NSMCE2: variants seen among roughly 807,000 people sequenced by gnomAD.
NSMCE2 encodes the protein NSE2 SUMO ligase component of SMC5/6 complex.
NSMCE2 carries 24 observed loss-of-function variants against 23.8 expected under a neutral mutation model. The observed-to-expected ratio is 1.01, with a 90% confidence interval of 0.73 to 1.42. The LOEUF is 1.42. Ranked by LOEUF, NSMCE2 falls within the 40% of genes most tolerant of loss-of-function variation. The probability of loss-of-function intolerance (pLI) is 0.00; values close to 1 mark genes in which losing one functional copy is unlikely to be tolerated. For synonymous variants in NSMCE2, 92 were observed against 94.1 expected, an observed-to-expected ratio of 0.98 and a Z score of 0.13; for missense variants, 284 against 296.5, an observed-to-expected ratio of 0.96 and a Z score of 0.31.
rs548063210 is a variant in NSMCE2, at chr8:125,248,492, A to G, written c.418+66236A>G. Among the ~76,000 whole-genome samples, 23 of 152,288 alleles carry G rather than the reference A, an allele frequency of 1.5e-4. No homozygotes were observed. The South Asian group carries it at 3.5e-3, about 23-fold the overall frequency. On this transcript the variant is annotated intron_variant, in intron 5 of 7. Transcript: ENST00000287437. ...ACATAGTAAAACCCCATCTCTACTA[A>G]AAATACAAAAATTAGCTGGGCATGG...
At chr8:125,271,496 T>C (rs79898144) in intron 5 of NSMCE2, among the ~76,000 whole-genome samples, 339 of 152,306 alleles carry the variant, frequency 2.2e-3, no homozygotes, top group African/African-American at 7.7e-3. Context: ...TAAGGGTACA[T>C]AGGACTGATG....
chr8:125,324,768 G>T (rs1265393810), intron 5 of NSMCE2, among the ~76,000 whole-genome samples: 1 of 101,090 alleles, frequency 9.9e-6, no homozygotes, highest in Non-Finnish European at 2.4e-5. Context: ...TAGAGACAGG[G>T]TTTCACCATG....
intron 5 of NSMCE2, among the ~76,000 whole-genome samples, chr8:125,193,415 C>A (rs1184125998): frequency 6.6e-6 from 1 of 152,168 alleles, no homozygotes; most frequent in Non-Finnish European, 1.5e-5. Flanking sequence ...GAACAGACTT[C>A]ACAAAAGAAG....
At position 125,295,805 on chromosome 8, in the gene NSMCE2, CT is replaced by C. The variant is rs145549835; in HGVS notation, c.419-61411del. Among the ~76,000 whole-genome samples, 193 of 152,236 alleles carry C rather than the reference CT, an allele frequency of 1.3e-3. No homozygotes were observed. In the East Asian group the frequency reaches 0.022, roughly 17 times the overall value. On this transcript the variant is annotated intron_variant, in intron 5 of 7. Coordinates refer to ENST00000287437, the MANE Select transcript of NSMCE2 (RefSeq NM_173685.4). ...TACATTTATAGAGCTGGATTTCTTT[CT>C]TTGTTTTTTAAGCTCTAATGAATTC...
intron 3 of NSMCE2, among the ~76,000 whole-genome samples, chr8:125,142,109 A>G (rs2130628340): frequency 6.6e-6 from 1 of 152,242 alleles, no homozygotes; most frequent in South Asian, 2.1e-4. Context: ...CAGTATTTAG[A>G]CTAATTACAC....
intron 7 of NSMCE2, among the ~76,000 whole-genome samples, chr8:125,359,078 A>G (rs1414287971): frequency 6.6e-6 from 1 of 151,938 alleles, no homozygotes; most frequent in East Asian, 2.0e-4. Context: ...CATCCTGGCT[A>G]ACACGGTGAA....
chr8:125,299,439 C>G (rs1828462467), intron 5 of NSMCE2, among the ~76,000 whole-genome samples: 1 of 152,128 alleles, frequency 6.6e-6, no homozygotes, highest in East Asian at 1.9e-4. Context: ...TACATGGCAA[C>G]AGGAGAGAGA....
At chr8:125,265,694 G>A (rs1826882277) in intron 5 of NSMCE2, among the ~76,000 whole-genome samples, 1 of 152,188 alleles carries the variant, frequency 6.6e-6, no homozygotes, top group Non-Finnish European at 1.5e-5. Context: ...TGACTTGTAA[G>A]AAGCAGAGCC....
intron 1 of NSMCE2, among the ~76,000 whole-genome samples, chr8:125,094,286 CTA>C (rs1817825329): frequency 6.6e-6 from 1 of 152,116 alleles, no homozygotes; most frequent in East Asian, 1.9e-4. Flanking sequence ...AGTGGAGTGA[CTA>C]TAATTATAAT....
At chr8:125,295,429 C>T (rs1395961042) in intron 5 of NSMCE2, among the ~76,000 whole-genome samples, 1 of 152,180 alleles carries the variant, frequency 6.6e-6, no homozygotes, top group East Asian at 1.9e-4. Flanking sequence ...ATGCTTTCTT[C>T]AGAGAAGTGC....
At chr8:125,313,820 G>T (rs1053152979) in intron 5 of NSMCE2, among the ~76,000 whole-genome samples, 1 of 152,144 alleles carries the variant, frequency 6.6e-6, no homozygotes, top group Non-Finnish European at 1.5e-5. Context: ...AGACTTTGCA[G>T]AACAAAATGA....
chr8:125,262,161 C>G lies in NSMCE2; in HGVS notation c.418+79905C>G, dbSNP rs147110451. 3.0e-4 allele frequency among the ~76,000 whole-genome samples: 46 copies of G among 151,796 alleles called. No individual in the cohort carries two copies. The East Asian group carries it at 8.5e-3, about 28-fold the overall frequency. ...ATTGTATAGGCCGGGTGCGATGGCTCACACCTGTAATCCCAGCACTTTGGG... is the reference window on the plus strand; with the variant it reads ...ATTGTATAGGCCGGGTGCGATGGCTGACACCTGTAATCCCAGCACTTTGGG... On this transcript the variant is annotated intron_variant, in intron 5 of 7. Transcript: ENST00000287437.
chr8:125,233,367 G>A (rs1282493790), intron 5 of NSMCE2, among the ~76,000 whole-genome samples: 1 of 151,758 alleles, frequency 6.6e-6, no homozygotes, highest in Non-Finnish European at 1.5e-5. Context: ...TTTATGTTCT[G>A]GTTCTCATAA....
chr8:125,104,013 G>A (rs1434238389), intron 3 of NSMCE2, among the ~76,000 whole-genome samples: 6 of 144,810 alleles, frequency 4.1e-5, no homozygotes, highest in Non-Finnish European at 9.0e-5. Context: ...TTTTTCAGCC[G>A]GAATTTTGCT....
At chr8:125,320,693 C>G (rs963675754) in intron 5 of NSMCE2, among the ~76,000 whole-genome samples, 3 of 151,878 alleles carry the variant, frequency 2.0e-5, no homozygotes, top group African/African-American at 7.3e-5. Flanking sequence ...TTCAGACATA[C>G]AAACAATAAA....
chr8:125,163,990 G>A (rs921723363), intron 4 of NSMCE2, among the ~76,000 whole-genome samples: 2 of 152,240 alleles, frequency 1.3e-5, no homozygotes, highest in African/African-American at 4.8e-5. Context: ...GTATGTTGGA[G>A]GCCTTAGCCC....
At chr8:125,223,806 C>CTTTT (rs777644019) in intron 5 of NSMCE2, among the ~76,000 whole-genome samples, 21 of 107,928 alleles carry the variant, frequency 1.9e-4, no homozygotes, top group South Asian at 6.6e-4. Flanking sequence ...GGTCCTTTGC[C>CTTTT]TTTTTTTTTT....
chr8:125,161,242 A>G (rs1320278799), intron 4 of NSMCE2, among the ~76,000 whole-genome samples: 1 of 152,126 alleles, frequency 6.6e-6, no homozygotes, highest in Non-Finnish European at 1.5e-5. Context: ...TGTTGTGGCC[A>G]GTGTGATATT....
At chr8:125,139,165 T>C (rs1347046694) in intron 3 of NSMCE2, among the ~76,000 whole-genome samples, 4 of 152,288 alleles carry the variant, frequency 2.6e-5, no homozygotes, top group South Asian at 2.1e-4. Context: ...CAGATAGTTA[T>C]ATCAGGGCTT....
Sources: gnomAD v4.1 joint callset for allele counts (sites outside exome capture counted in the v4.1 genomes callset) on GRCh38, gnomAD v4.1.1 for gene constraint, MANE v1.5 for transcripts, NCBI Gene and HGNC (gene_info 2026-07-23, HGNC 2026-07-21) for gene names.